The following CEP192 variants were observed in gnomAD, a reference collection of about 807,000 sequenced individuals.
The protein encoded by CEP192 is centrosomal protein 192.
A neutral mutation model predicts 271.8 loss-of-function variants in CEP192; 151 were observed. That is an observed-to-expected ratio of 0.56 (90% CI 0.49 to 0.64). The LOEUF (loss-of-function observed/expected upper bound fraction) is 0.64. CEP192 is among the 30% of genes least tolerant of loss of function. The probability of loss-of-function intolerance (pLI) is 0.00; values close to 1 mark genes in which losing one functional copy is unlikely to be tolerated. For synonymous variants in CEP192, 995 were observed against 1,076.5 expected (o/e 0.92, Z 1.48); for missense variants, 2,910 against 3,020.5 (o/e 0.96, Z 0.86).
intron 24 of CEP192, among the ~76,000 whole-genome samples, 188 bp downstream of exon 24, chr18:13,068,610 C>A (rs2037841459): frequency 6.6e-6 from 1 of 152,250 alleles, no homozygotes; most frequent in Admixed American, 6.5e-5. Flanking sequence ...GTAACTCCTG[C>A]AGATAGCACT....
intron 8 of CEP192, 134 bp from the exon 9 acceptor site, chr18:13,018,948 A>G: frequency 2.5e-6 from 2 of 811,998 alleles, no homozygotes; most frequent in Non-Finnish European, 3.6e-6. Flanking sequence ...TCTCTCTACG[A>G]AAATGGCTAA....
intron 21 of CEP192, among the ~76,000 whole-genome samples, chr18:13,067,406 T>C (rs930026258): frequency 6.6e-6 from 1 of 152,172 alleles, no homozygotes; most frequent in Non-Finnish European, 1.5e-5. Flanking sequence ...TCATAGGCAC[T>C]TGTTTTAAAC....
intron 21 of CEP192, among the ~76,000 whole-genome samples, chr18:13,062,526 A>AT (rs35231926): frequency 0.47 from 67,593 of 145,240 alleles, 16,019 homozygotes; most frequent in African/African-American, 0.61. Context: ...GTACTGTTAG[A>AT]TTTTTTTTTT....
At chr18:13,059,379 T>A in intron 21 of CEP192, 67 bp downstream of exon 21, 1 of 1,342,200 alleles carries the variant, frequency 7.5e-7, no homozygotes, top group Non-Finnish European at 1.0e-6. Flanking sequence ...ACCTTAGAAG[T>A]AAAATTTGGG....
intron 3 of CEP192, among the ~76,000 whole-genome samples, chr18:13,005,959 A>G (rs553090864): frequency 1.6e-4 from 25 of 152,300 alleles, no homozygotes; most frequent in Non-Finnish European, 3.2e-4. Flanking sequence ...TATCTGAACT[A>G]TGTTTTCTCT....
chr18:13,093,151 T>A (rs1444312467), intron 34 of CEP192, among the ~76,000 whole-genome samples: 1 of 152,142 alleles, frequency 6.6e-6, no homozygotes, highest in African/African-American at 2.4e-5. Context: ...AGCAAGACTC[T>A]GTCTCAAAAA....
intron 44 of CEP192, chr18:13,124,364 T>C (rs1466923356): frequency 1.3e-5 from 4 of 302,024 alleles, no homozygotes; most frequent in Non-Finnish European, 2.5e-5. Context: ...AGTTTAGACC[T>C]CTTATTTTCC....
chr18:13,019,357 G>A (rs748529794), intron 9 of CEP192, among the ~76,000 whole-genome samples, 151 bp downstream of exon 9: 11 of 152,164 alleles, frequency 7.2e-5, no homozygotes, highest in African/African-American at 2.6e-4. Context: ...TTTTCGATAT[G>A]TTTATAAGTA....
At chr18:13,054,083 C>G (rs969210948) in intron 18 of CEP192, among the ~76,000 whole-genome samples, 6 of 152,168 alleles carry the variant, frequency 3.9e-5, no homozygotes, top group African/African-American at 1.4e-4. Flanking sequence ...CTGCCTTGGC[C>G]TCCCAAAGTG....
chr18:13,087,509 G>A, intron 31 of CEP192, 22 bp from the exon 32 acceptor site: 1 of 1,196,156 alleles, frequency 8.4e-7, no homozygotes. Context: ...ATTTACTCCT[G>A]ATTTTTTTTT....
chr18:13,116,578 A>G lies in CEP192; in HGVS notation c.7416+75A>G. 2 of 1,367,338 alleles carry G rather than the reference A, an allele frequency of 1.5e-6. 1 individual carries two copies. Among genetic ancestry groups the G allele is most frequent in the South Asian group, 2.7e-5 (2 of 73,020 alleles). The allele number at this position is 1,367,338 out of a possible 1,614,324, so 84.7% of individuals were successfully genotyped here. A position where few individuals can be genotyped will look rare whatever the true frequency, so the allele number is the denominator to read the frequency against. ...TCTGATAACAAACATTTTCCTGATG[A>G]TTCTGTAGACTATATTTAAGTTGTA... On this transcript the variant is annotated intron_variant, in intron 43 of 44. Transcript: ENST00000506447.
chr18:13,055,771 T>A lies in CEP192; in HGVS notation c.3190-9T>A. On this transcript the variant is annotated splice_polypyrimidine_tract_variant and intron_variant, in intron 18 of 44. Transcript: ENST00000506447. ...GTGGATTATTAAAAACAAATTTTGT[T>A]GCACTCAGAGTGATATCACCAGCGA... 6.6e-7 allele frequency: 1 copy of A among 1,520,300 alleles called. No homozygotes were observed. The highest frequency in any genetic ancestry group is 8.8e-7 in the Non-Finnish European group (1 of 1,136,094). The allele number at this position is 1,520,300 out of a possible 1,614,324, so 94.2% of individuals were successfully genotyped here. A position where few individuals can be genotyped will look rare whatever the true frequency, so the allele number is the denominator to read the frequency against.
chr18:13,046,132 G>C (rs944807204), intron 15 of CEP192, among the ~76,000 whole-genome samples: 1 of 152,094 alleles, frequency 6.6e-6, no homozygotes, highest in African/African-American at 2.4e-5. Flanking sequence ...CTTCTGGGGG[G>C]GCCTCAGGAA....
Position 13,008,466 on chromosome 18 carries a change from A to G in CEP192, c.301A>G (p.Arg101Gly), listed in dbSNP as rs2034117738. Residue 101 changes from arginine (R) to glycine (G), a missense_variant, in exon 4 of 45, where the codon AGG (arginine) becomes GGG (glycine). Physicochemically the swap from Arg to Gly is moderately radical, Grantham distance 125. Transcript: ENST00000506447. ...LSFQDDDSIS[R>G]KKSYVESQRL... is the part of the protein sequence containing the mutation. ...TTCCTAATAAAAAAGTTCTATCTCT[A>G]GGAAAAAGAGCTATGTGGAAAGTCA... The G allele has an allele frequency of 6.5e-7, 1 of 1,544,048 alleles. No individual in the cohort carries two copies. Among genetic ancestry groups the G allele is most frequent in the Non-Finnish European group, 8.7e-7 (1 of 1,143,746 alleles).
chr18:13,086,296 T>C (rs1050998969), intron 30 of CEP192, among the ~76,000 whole-genome samples: 4 of 152,190 alleles, frequency 2.6e-5, no homozygotes, highest in African/African-American at 9.6e-5. Flanking sequence ...ACGATGGGGT[T>C]TTCTAAATAT....
intron 40 of CEP192, among the ~76,000 whole-genome samples, chr18:13,112,754 C>T (rs78965983): frequency 4.6e-3 from 705 of 152,316 alleles, no homozygotes; most frequent in Non-Finnish European, 7.9e-3. Context: ...AAGCCTTGAG[C>T]TCAGGCTGGC....
Position 13,056,368 on chromosome 18 carries a change from C to T in CEP192, c.3778C>T (p.Pro1260Ser), listed in dbSNP as rs780920185. The change falls in exon 19 of 45, where the codon CCT becomes TCT. Residue 1260 changes from proline to serine, a missense_variant. By Grantham distance (74) the Pro-to-Ser change is moderately conservative (BLOSUM62 -1). Coordinates refer to ENST00000506447, the MANE Select transcript of CEP192 (RefSeq NM_032142.4). ...GACACAACCCTCTCTCAGCGCTGCT[C>T]CTTTTGCTCAGCGGTATTTGGGAAC... Reference protein sequence around the residue: ...LLTQPSLSAAPFAQRYLGTLP... With the variant: ...LLTQPSLSAASFAQRYLGTLP... The T allele has an allele frequency of 5.0e-6, 8 of 1,614,236 alleles. No homozygotes were observed. In the Admixed American group the frequency reaches 1.3e-4, roughly 27 times the overall value.
In CEP192 at chr18:13,052,983, T is replaced by C; in HGVS notation, c.3082T>C (p.Ser1028Pro). 6.2e-7 allele frequency: 1 copy of C among 1,613,608 alleles called. No individual in the cohort carries two copies. Among genetic ancestry groups the C allele is most frequent in the South Asian group, 1.1e-5 (1 of 90,984 alleles). ...GCAGCCTCCCTGTGAGCAGGAGTTG[T>C]CTCCCTTGGTGTGCTCGCCTGCTGG... ...QQQPPCEQEL[S>P]PLVCSPAGVS... The change falls in exon 18 of 45, where the codon TCT (serine) becomes CCT (proline). Residue 1028 changes from serine to proline, a missense_variant. By Grantham distance (74) the Ser-to-Pro change is moderately conservative. Coordinates refer to ENST00000506447, the MANE Select transcript of CEP192 (RefSeq NM_032142.4).
chr18:13,068,331 A>G, intron 23 of CEP192, 28 bp from the exon 24 acceptor site: 1 of 1,606,544 alleles, frequency 6.2e-7, no homozygotes, highest in South Asian at 1.1e-5. Flanking sequence ...AGTTTACATT[A>G]AGACAAATTT....
Sources: allele counts gnomAD v4.1 joint callset (sites outside exome capture counted in the v4.1 genomes callset), GRCh38; gene constraint gnomAD v4.1.1; transcripts MANE v1.5; gene names NCBI Gene and HGNC (gene_info 2026-07-23, HGNC 2026-07-21).